Variants in PGGT1B observed in about 807,000 individuals in gnomAD.
The protein encoded by PGGT1B is protein geranylgeranyltransferase type I subunit beta.
A neutral mutation model predicts 46.1 loss-of-function variants in PGGT1B; 30 were observed. The observed-to-expected ratio is 0.65, with a 90% CI of 0.49 to 0.88. The LOEUF is 0.88. PGGT1B is among the 40% of genes least tolerant of loss of function. The probability of loss-of-function intolerance (pLI) is 0.00; values close to 1 mark genes in which losing one functional copy is unlikely to be tolerated. For missense variants in PGGT1B, 376 were observed against 455.9 expected (o/e 0.82, Z 1.60); for synonymous variants, 170 against 160.0 (o/e 1.06, Z -0.47).
chr5:115,253,093 T>C, intron 2 of PGGT1B, 44 bp downstream of exon 2: 1 of 1,568,236 alleles, frequency 6.4e-7, no homozygotes, highest in Non-Finnish European at 8.7e-7. Flanking sequence ...TTATGTCAGG[T>C]ACAACCAGTC....
intron 1 of PGGT1B, among the ~76,000 whole-genome samples, chr5:115,260,212 A>T (rs1195168263): frequency 1.3e-5 from 2 of 152,230 alleles, no homozygotes; most frequent in African/African-American, 4.8e-5. Context: ...TAAAAGAAAC[A>T]AGAAAATAAG....
rs778734403 is a variant in PGGT1B, at chr5:115,262,847, G to A, written c.5C>T (p.Ala2Val). Residue 2 changes from alanine (A) to valine (V), a missense_variant, in exon 1 of 9, where the codon GCG (alanine) becomes GTG (valine). By Grantham distance (64) the Ala-to-Val change is moderately conservative. Coordinates refer to ENST00000419445, the MANE Select transcript of PGGT1B (RefSeq NM_005023.4). ...TGCTAGCCTCTCATCCTCAGTGGCC[G>A]CCATGCTGCTCCGGAAGCGACGTCC... MAATEDERLAGS... is the reference protein window; with the variant it reads MVATEDERLAGS... 4 of 1,611,948 alleles carry A rather than the reference G, an allele frequency of 2.5e-6. No homozygotes were observed. The highest frequency in any genetic ancestry group is 1.1e-5 in the South Asian group (1 of 90,958).
chr5:115,254,517 A>T (rs2127031146), intron 1 of PGGT1B, among the ~76,000 whole-genome samples: 1 of 151,498 alleles, frequency 6.6e-6, no homozygotes, highest in African/African-American at 2.4e-5. Flanking sequence ...ACCGTTTCTG[A>T]TTTTGGAGTC....
intron 1 of PGGT1B, among the ~76,000 whole-genome samples, chr5:115,261,171 A>G (rs893393623): frequency 6.6e-6 from 1 of 152,248 alleles, no homozygotes; most frequent in African/African-American, 2.4e-5. Flanking sequence ...ACAATTTATC[A>G]ACATTTTAAA....
intron 1 of PGGT1B, among the ~76,000 whole-genome samples, chr5:115,253,611 G>A (rs1748194853): frequency 6.6e-6 from 1 of 151,904 alleles, no homozygotes; most frequent in Non-Finnish European, 1.5e-5. Flanking sequence ...TTAGAAATAT[G>A]TGAAAATGTC....
intron 8 of PGGT1B, 102 bp from the exon 9 acceptor site, chr5:115,212,685 T>TA: frequency 1.1e-5 from 8 of 745,510 alleles, no homozygotes; most frequent in Middle Eastern, 2.5e-4. Context: ...CCATTAAAAG[T>TA]AAGTTTAGAG....
chr5:115,221,641 A>T (rs1281101842), intron 7 of PGGT1B, among the ~76,000 whole-genome samples, 183 bp downstream of exon 7: 1 of 152,116 alleles, frequency 6.6e-6, no homozygotes, highest in African/African-American at 2.4e-5. Flanking sequence ...ATTTTCAAGC[A>T]GCACAAGAGA....
intron 5 of PGGT1B, among the ~76,000 whole-genome samples, chr5:115,232,829 C>T (rs1303538981): frequency 6.6e-6 from 1 of 151,900 alleles, no homozygotes; most frequent in African/African-American, 2.4e-5. Context: ...AGTGGCAGGG[C>T]TCAAAGAGTG....
At position 115,218,432 on chromosome 5, in the gene PGGT1B, T is replaced by C. The variant is rs138703789; in HGVS notation, c.844-1459A>G. Among the ~76,000 whole-genome samples the C allele has an allele frequency of 7.1e-3, 1,010 of 143,150 alleles. 14 individuals carry two copies. The highest frequency in any genetic ancestry group is 0.024 in the African/African-American group (953 of 39,122). The allele number at this position is 143,150 out of a possible 152,430, so 93.9% of individuals were successfully genotyped here. On this transcript the variant is annotated intron_variant, in intron 7 of 8. Coordinates refer to ENST00000419445, the MANE Select transcript of PGGT1B (RefSeq NM_005023.4). ...ATATATATGTCATATATAACTAATA[T>C]ATATTATATATAATATATGACTAAA...
intron 2 of PGGT1B, among the ~76,000 whole-genome samples, chr5:115,249,140 C>A (rs1747979612): frequency 1.3e-5 from 2 of 151,622 alleles, no homozygotes; most frequent in Admixed American, 1.3e-4. Context: ...CCTCTGTTCC[C>A]ATCTACTTCC....
chr5:115,221,558 A>G (rs957848339), intron 7 of PGGT1B, among the ~76,000 whole-genome samples: 2 of 152,034 alleles, frequency 1.3e-5, no homozygotes, highest in African/African-American at 4.8e-5. Flanking sequence ...TAAGTATTTA[A>G]TATGTTCTAT....
At chr5:115,255,370 G>A (rs759404547) in intron 1 of PGGT1B, among the ~76,000 whole-genome samples, 7 of 152,152 alleles carry the variant, frequency 4.6e-5, no homozygotes, top group Non-Finnish European at 7.4e-5. Flanking sequence ...TGGTAATTAT[G>A]TCTCATGAGA....
At chr5:115,231,415 G>A (rs1051430023) in intron 5 of PGGT1B, among the ~76,000 whole-genome samples, 1 of 151,910 alleles carries the variant, frequency 6.6e-6, no homozygotes, top group Non-Finnish European at 1.5e-5. Context: ...CTATTCTGAG[G>A]CAGTCTGGGG....
In PGGT1B at chr5:115,204,538, T is replaced by C. The variant is rs1456122270; in HGVS notation, c.*7864A>G. On this transcript the variant is annotated 3_prime_UTR_variant, in exon 9 of 9. Transcript: ENST00000419445. ...GAACTTGATTTCCACACATTATCAA[T>C]AACGGAATACCATTTTCACCCACCT... 3.9e-5 allele frequency: 6 copies of C among 152,128 alleles called. No individual in the cohort carries two copies. Among genetic ancestry groups the C allele is most frequent in the African/African-American group, 1.4e-4 (6 of 41,428 alleles). The allele number at this position is 152,128 out of a possible 1,614,324, so 9.4% of individuals were successfully genotyped here.
At chr5:115,221,172 G>A (rs1020183492) in intron 7 of PGGT1B, among the ~76,000 whole-genome samples, 1 of 151,836 alleles carries the variant, frequency 6.6e-6, no homozygotes, top group Middle Eastern at 3.2e-3. Flanking sequence ...GACAAACATG[G>A]ACTCCTCTAA....
At chr5:115,231,111 G>T in intron 5 of PGGT1B, 90 bp from the exon 6 acceptor site, 1 of 637,342 alleles carries the variant, frequency 1.6e-6, no homozygotes, top group South Asian at 2.5e-5. Context: ...AGTTTTTTAG[G>T]TCTCTTTAAA....
At chr5:115,217,376 TA>T (rs3840343) in intron 7 of PGGT1B, among the ~76,000 whole-genome samples, 10,652 of 151,988 alleles carry the variant, frequency 0.07, 1,008 homozygotes, top group East Asian at 0.5. Context: ...AAATATTTTT[TA>T]AAAAAAGAGC....
intron 3 of PGGT1B, among the ~76,000 whole-genome samples, chr5:115,239,930 T>C (rs1462527856): frequency 6.6e-6 from 1 of 152,238 alleles, no homozygotes; most frequent in Non-Finnish European, 1.5e-5. Flanking sequence ...AGTCAGTGAA[T>C]GGTCCATAGG....
At position 115,208,249 on chromosome 5, in the gene PGGT1B, A is replaced by C. The variant is rs1756121435; in HGVS notation, c.*4153T>G. On this transcript the variant is annotated 3_prime_UTR_variant, in exon 9 of 9. Transcript: ENST00000419445. ...AAAATGAATTCAGGAGTTTTTCTTT[A>C]TTTGTTTTTTTTCTTTTTTTGGCAC... The C allele has an allele frequency of 2.0e-5, 3 of 150,528 alleles. No homozygotes were observed. Among genetic ancestry groups the C allele is most frequent in the Non-Finnish European group, 4.4e-5 (3 of 67,660 alleles). 9.3% of individuals were successfully genotyped at this position (150,528 alleles called of 1,614,324 possible). A position where few individuals can be genotyped will look rare whatever the true frequency, so the allele number is the denominator to read the frequency against.
Sources: allele counts gnomAD v4.1 joint callset (sites outside exome capture counted in the v4.1 genomes callset), GRCh38; gene constraint gnomAD v4.1.1; transcripts MANE v1.5; gene names NCBI Gene and HGNC (gene_info 2026-07-23, HGNC 2026-07-21).